Variants in MAST4 observed in about 807,000 individuals in gnomAD.
MAST4 encodes microtubule-associated serine/threonine-protein kinase 4.
Under a neutral mutation model 162.7 loss-of-function variants are expected in MAST4, and 89 were observed. The ratio of observed to expected loss-of-function variants is 0.55; its 90% CI spans 0.46 to 0.65. The LOEUF (loss-of-function observed/expected upper bound fraction) is 0.65, where lower values mean the gene tolerates loss of function less well. MAST4 is among the 30% of genes least tolerant of loss of function. The pLI is 0.00. For synonymous variants in MAST4, 1,479 were observed against 1,361.1 expected, an observed-to-expected ratio of 1.09 and a Z score of -1.91; for missense variants, 3,153 against 3,374.0, an observed-to-expected ratio of 0.93 and a Z score of 1.62.
intron 1 of MAST4, among the ~76,000 whole-genome samples, chr5:66,750,542 C>T (rs1026836498): frequency 6.6e-5 from 10 of 152,294 alleles, no homozygotes; most frequent in African/African-American, 2.2e-4. Flanking sequence ...GACGGACGCA[C>T]CTTGAAAATC....
chr5:66,992,206 C>T (rs555765932), intron 4 of MAST4, among the ~76,000 whole-genome samples: 1 of 152,178 alleles, frequency 6.6e-6, no homozygotes, highest in South Asian at 2.1e-4. Flanking sequence ...TAATGCATTA[C>T]CATGCTGCTA....
intron 3 of MAST4, among the ~76,000 whole-genome samples, chr5:66,801,554 G>A (rs1003834618): frequency 1.3e-5 from 2 of 152,150 alleles, no homozygotes; most frequent in South Asian, 2.1e-4. Flanking sequence ...CTCATACCCC[G>A]ATTTTTAGAC....
Position 66,596,648 on chromosome 5 carries a change from A to G in MAST4, c.-8A>G. ...CCGCTCGGGAGGCACTTTGGGCCAG[A>G]CAGGGAAATGGGGGAGAAAGTTTCG... On this transcript the variant is annotated 5_prime_UTR_variant, in exon 1 of 29. Coordinates refer to ENST00000403625, the MANE Select transcript of MAST4 (RefSeq NM_001164664.2). The G allele has an allele frequency of 6.9e-7, 1 of 1,446,964 alleles. No homozygotes were observed. 89.6% of individuals were successfully genotyped at this position (1,446,964 alleles called of 1,614,324 possible). A position where few individuals can be genotyped will look rare whatever the true frequency, so the allele number is the denominator to read the frequency against.
intron 1 of MAST4, among the ~76,000 whole-genome samples, chr5:66,665,947 A>C (rs1747228183): frequency 6.6e-6 from 1 of 152,232 alleles, no homozygotes; most frequent in Non-Finnish European, 1.5e-5. Flanking sequence ...TATTGGAAGT[A>C]GAAGAGTAGT....
intron 1 of MAST4, among the ~76,000 whole-genome samples, chr5:66,635,944 C>CTTTT (rs1487534344): frequency 1.2e-4 from 11 of 88,180 alleles, no homozygotes; most frequent in African/African-American, 4.6e-4. Context: ...AAGATAGAGA[C>CTTTT]TGTTTTTTTT....
intron 4 of MAST4, among the ~76,000 whole-genome samples, chr5:66,926,349 GC>G (rs1457690296): frequency 6.6e-5 from 10 of 152,014 alleles, no homozygotes; most frequent in Non-Finnish European, 1.3e-4. Context: ...GGAGTTCAAG[GC>G]CAGCCTGACA....
chr5:67,130,161 C>T, intron 14 of MAST4, 49 bp from the exon 15 acceptor site: 2 of 1,529,644 alleles, frequency 1.3e-6, no homozygotes, highest in Non-Finnish European at 1.8e-6. Flanking sequence ...CCCAAAACAT[C>T]CTTACTTTCT....
At chr5:66,961,404 A>T (rs1745993768) in intron 4 of MAST4, among the ~76,000 whole-genome samples, 1 of 152,180 alleles carries the variant, frequency 6.6e-6, no homozygotes, top group African/African-American at 2.4e-5. Flanking sequence ...GCAGCTGTGG[A>T]GTATTATATG....
chr5:67,018,303 G>C (rs2150376773), intron 4 of MAST4, among the ~76,000 whole-genome samples: 1 of 152,274 alleles, frequency 6.6e-6, no homozygotes, highest in African/African-American at 2.4e-5. Flanking sequence ...TGAGAGGCAG[G>C]AGGGTCATTT....
intron 4 of MAST4, among the ~76,000 whole-genome samples, chr5:67,046,162 G>A (rs770983376): frequency 2.4e-4 from 36 of 152,024 alleles, no homozygotes; most frequent in Non-Finnish European, 5.0e-4. Flanking sequence ...TACCATCTAG[G>A]TTTGTGTAAG....
intron 1 of MAST4, among the ~76,000 whole-genome samples, chr5:66,753,409 C>T (rs1191643966): frequency 4.6e-5 from 7 of 150,748 alleles, no homozygotes; most frequent in East Asian, 3.9e-4. Context: ...GCTAGCAAGA[C>T]TAATAAAGAA....
chr5:66,605,708 A>G (rs898677829), intron 1 of MAST4, among the ~76,000 whole-genome samples: 27 of 152,154 alleles, frequency 1.8e-4, no homozygotes, highest in South Asian at 2.1e-4. Context: ...AAGACCCCTG[A>G]GGGTCAGCTT....
rs774644266 is a variant in MAST4 at position 67,164,604 on chromosome 5, C to G, written c.5425C>G (p.Leu1809Val). 1.9e-6 allele frequency: 3 copies of G among 1,613,902 alleles called. No homozygotes were observed. Among genetic ancestry groups the G allele is most frequent in the Non-Finnish European group, 2.5e-6 (3 of 1,179,904 alleles). ...GATCGAGGGCACTCTGGACATTGCT[C>G]TCCTGTCCGGACCTCAGGCCTCCAA... ...KPIEGTLDIA[L>V]LSGPQASKTE... The change falls in exon 29 of 29, where the codon CTC becomes GTC. Residue 1809 changes from leucine (L) to valine (V), a missense_variant. Around this residue, in one of 7 missense-constraint regions of MAST4, gnomAD observed 1,644 missense variants for 1,495.0 expected, o/e 1.10. Coordinates refer to ENST00000403625, the MANE Select transcript of MAST4 (RefSeq NM_001164664.2). The surrounding 1 kb of genome is among the most constrained non-coding windows in gnomAD (Gnocchi z 5.3).
At chr5:67,036,149 A>G (rs1227609847) in intron 4 of MAST4, among the ~76,000 whole-genome samples, 1 of 152,150 alleles carries the variant, frequency 6.6e-6, no homozygotes, top group African/African-American at 2.4e-5. Context: ...GAAGGAAAAA[A>G]TACTTTTCAT....
intron 3 of MAST4, among the ~76,000 whole-genome samples, chr5:66,853,079 C>A (rs1166778979): frequency 6.6e-6 from 1 of 152,220 alleles, no homozygotes; most frequent in Non-Finnish European, 1.5e-5. Flanking sequence ...GTTTCTATTC[C>A]TTAGTTCATG....
At chr5:66,800,315 G>C (rs913738473) in intron 3 of MAST4, among the ~76,000 whole-genome samples, 10 of 152,158 alleles carry the variant, frequency 6.6e-5, no homozygotes, top group Admixed American at 2.6e-4. Context: ...TGGTAGATGG[G>C]ATAAAGAAAA....
At chr5:66,954,626 C>T (rs565406776) in intron 4 of MAST4, among the ~76,000 whole-genome samples, 4 of 152,254 alleles carry the variant, frequency 2.6e-5, no homozygotes, top group South Asian at 2.1e-4. Context: ...AAAGCCTGGG[C>T]GTGGTGTCTC....
intron 3 of MAST4, among the ~76,000 whole-genome samples, chr5:66,814,265 C>T (rs192447721): frequency 3.3e-5 from 5 of 152,338 alleles, no homozygotes; most frequent in Non-Finnish European, 1.5e-5. Context: ...GAATTGCTCA[C>T]TGTGCCTCCT....
intron 2 of MAST4, among the ~76,000 whole-genome samples, chr5:66,766,016 G>C (rs13190557): frequency 1.1e-3 from 165 of 152,288 alleles, no homozygotes; most frequent in Middle Eastern, 6.8e-3. Flanking sequence ...GAGCTTTGGA[G>C]CCCCCTGATG....
Sources: allele counts gnomAD v4.1 joint callset (sites outside exome capture counted in the v4.1 genomes callset), GRCh38; gene constraint gnomAD v4.1.1; regional missense constraint gnomAD v4.1.1; non-coding constraint Gnocchi (gnomAD v3.1); transcripts MANE v1.5; gene names NCBI Gene and HGNC (gene_info 2026-07-23, HGNC 2026-07-21).